The following ZNF106 variants were observed in gnomAD, a reference collection of about 807,000 sequenced individuals.
The protein encoded by ZNF106 is SH3-domain binding protein 3.
ZNF106 carries 67 observed loss-of-function variants against 195.1 expected under a neutral mutation model. The observed-to-expected ratio is 0.34, with a 90% CI of 0.28 to 0.42. The LOEUF (loss-of-function observed/expected upper bound fraction) is 0.42. Among genes scored for constraint, ZNF106 ranks in the 10% least tolerant of loss-of-function variants. The pLI, the probability that ZNF106 is intolerant of heterozygous loss-of-function variation, is 1.00. For synonymous variants in ZNF106, 784 were observed against 818.6 expected (o/e 0.96, Z 0.72); for missense variants, 2,118 against 2,304.5 (o/e 0.92, Z 1.66).
At position 42,451,904 on chromosome 15, in the gene ZNF106, C is replaced by T. The variant is rs1251211963; in HGVS notation, c.368G>A (p.Arg123Gln). The change falls in exon 5 of 22, where the codon CGA (arginine) becomes CAA (glutamine). Residue 123 changes from arginine (R) to glutamine (Q), a missense_variant. Transcript: ENST00000564754. The part of the protein sequence containing the change: ...SNQEINSDDR[R>Q]PQWRREDRIP... ...TCGGTCTTCTCGTCTCCATTGGGGT[C>T]GTCTGTCATCAGAGTTTATTTCTTG... The T allele has an allele frequency of 6.2e-7, 1 of 1,613,844 alleles. No homozygotes were observed. Among genetic ancestry groups the T allele is most frequent in the East Asian group, 2.2e-5 (1 of 44,872 alleles).
chr15:42,417,170 G>T lies in ZNF106; in HGVS notation c.*134C>A. On this transcript the variant is annotated 3_prime_UTR_variant, in exon 22 of 22. Transcript: ENST00000564754. The stretch of plus-strand genomic sequence containing the variant: ...ATCCCATAGAGCTGCCCAGACTTAT[G>T]CTAGGGGTATGCCTGGCTAGTAACC... 1 of 852,380 alleles carries T rather than the reference G, an allele frequency of 1.2e-6. No individual in the cohort carries two copies. The highest frequency in any genetic ancestry group is 2.5e-4 in the Middle Eastern group (1 of 4,052). The allele number at this position is 852,380 out of a possible 1,614,324, so 52.8% of individuals were successfully genotyped here. A position where few individuals can be genotyped will look rare whatever the true frequency, so the allele number is the denominator to read the frequency against.
Position 42,448,253 on chromosome 15 carries a change from A to G in ZNF106, c.2954T>C (p.Ile985Thr). Reference protein sequence around the residue: ...AKDLNSQERSIPPSENQNSQE... With the variant: ...AKDLNSQERSTPPSENQNSQE... ...GGAATTCTGATTCTCTGACGGTGGT[A>G]TAGACCTCTCCTGGCTGTTCAAGTC... The change falls in exon 6 of 22, where the codon ATA (isoleucine) becomes ACA (threonine). Residue 985 changes from isoleucine to threonine, a missense_variant. Transcript: ENST00000564754. 1 of 1,614,216 alleles carries G rather than the reference A, an allele frequency of 6.2e-7. No homozygotes were observed. The highest frequency in any genetic ancestry group is 8.5e-7 in the Non-Finnish European group (1 of 1,180,034).
At chr15:42,434,720 G>T (rs1385266285) in intron 14 of ZNF106, among the ~76,000 whole-genome samples, 1 of 151,130 alleles carries the variant, frequency 6.6e-6, no homozygotes, top group Non-Finnish European at 1.5e-5. Flanking sequence ...TCTCAGAGGA[G>T]ATGTCCATTT....
At chr15:42,469,858 C>CAAAAAAAAAAAAAAAAAAAAAA (rs879787963) in intron 2 of ZNF106, among the ~76,000 whole-genome samples, 1 of 85,970 alleles carries the variant, frequency 1.2e-5, no homozygotes. Flanking sequence ...AAAACAACAA[C>CAAAAAAAAAAAAAAAAAAAAAA]AAAAAAAAAA....
intron 1 of ZNF106, among the ~76,000 whole-genome samples, chr15:42,483,966 T>TA (rs1185095215): frequency 6.6e-6 from 1 of 152,220 alleles, no homozygotes; most frequent in African/African-American, 2.4e-5. Flanking sequence ...TCTGAAACCC[T>TA]ATCTCTTCTT....
chr15:42,486,766 ATTGATG>A (rs1386955264), intron 1 of ZNF106, among the ~76,000 whole-genome samples: 2 of 151,932 alleles, frequency 1.3e-5, no homozygotes, highest in African/African-American at 4.8e-5. Context: ...CCAAGATCCT[ATTGATG>A]TTAAGTGAGG....
chr15:42,444,545 C>T (rs189106990), intron 8 of ZNF106, among the ~76,000 whole-genome samples: 3 of 151,716 alleles, frequency 2.0e-5, no homozygotes. Context: ...CACATCCCGC[C>T]CCCTGGCTGT....
chr15:42,486,215 C>T (rs890343647), intron 1 of ZNF106, among the ~76,000 whole-genome samples: 1 of 152,122 alleles, frequency 6.6e-6, no homozygotes, highest in East Asian at 1.9e-4. Context: ...ACCTCAGCCT[C>T]CCAAAGTGCT....
intron 12 of ZNF106, among the ~76,000 whole-genome samples, chr15:42,438,259 C>T (rs975190282): frequency 6.6e-6 from 1 of 152,130 alleles, no homozygotes; most frequent in Non-Finnish European, 1.5e-5. Flanking sequence ...GGCGTGATGG[C>T]GCGCACCTGT....
intron 2 of ZNF106, among the ~76,000 whole-genome samples, chr15:42,466,900 C>T (rs548785239): frequency 1.3e-5 from 2 of 151,912 alleles, no homozygotes; most frequent in South Asian, 2.1e-4. Context: ...TTTGGGAGGC[C>T]GAGGTGGGCA....
intron 17 of ZNF106, 66 bp from the exon 18 acceptor site, chr15:42,422,686 A>G (rs2054710252): frequency 2.6e-6 from 4 of 1,520,166 alleles, no homozygotes; most frequent in South Asian, 2.6e-5. Flanking sequence ...TTATAATTCT[A>G]TAATTCTAAG....
chr15:42,467,118 C>A (rs184349556), intron 2 of ZNF106, among the ~76,000 whole-genome samples: 2 of 152,096 alleles, frequency 1.3e-5, no homozygotes, highest in East Asian at 3.9e-4. Flanking sequence ...GGCGACAGAA[C>A]GAGACTCCGT....
At chr15:42,425,114 T>A in intron 15 of ZNF106, 89 bp from the exon 16 acceptor site, 1 of 1,307,574 alleles carries the variant, frequency 7.6e-7, no homozygotes, top group Non-Finnish European at 1.1e-6. Flanking sequence ...AACTCATTTC[T>A]GTCACCTGTA....
At position 42,451,619 on chromosome 15, in the gene ZNF106, T is replaced by C. The variant is rs200677232; in HGVS notation, c.653A>G (p.Asn218Ser). 1.2e-6 allele frequency: 2 copies of C among 1,614,184 alleles called. No individual in the cohort carries two copies. The highest frequency in any genetic ancestry group is 2.2e-5 in the East Asian group (1 of 44,880). ...GGAATTCCTTCCTGTACCATTATGA[T>C]TCCAATCTACTGCTCCACTATTTGA... ...WLSNSGAVDW[N>S]HNGTGRNSSW... The change falls in exon 5 of 22, where the codon AAT (asparagine) becomes AGT (serine). Residue 218 changes from asparagine to serine, a missense_variant. Transcript: ENST00000564754.
At position 42,442,209 on chromosome 15, in the gene ZNF106, G is replaced by A. The variant is rs556887061; in HGVS notation, c.3627C>T (p.Thr1209=). The A allele has an allele frequency of 2.5e-6, 4 of 1,614,162 alleles. No individual in the cohort carries two copies. The African/African-American group carries it at 5.3e-5, about 22-fold the overall frequency. Residue 1209 remains threonine (T), a synonymous_variant, in exon 10 of 22, where the codon ACC becomes ACT. Coordinates refer to ENST00000564754, the MANE Select transcript of ZNF106 (RefSeq NM_001366845.3). The part of the protein sequence containing the change: ...LQITTSPTFQ[T]HGSVPAPDSS... ...AGTCTGGAGCAGGGACACTGCCATG[G>A]GTTTGGAAAGTAGGAGACGTGGTTA...
chr15:42,483,817 T>C (rs1163718260), intron 1 of ZNF106, among the ~76,000 whole-genome samples: 1 of 152,152 alleles, frequency 6.6e-6, no homozygotes. Flanking sequence ...CATATGCTGG[T>C]CCCTCTCCCT....
chr15:42,425,839 A>C (rs1437039171), intron 15 of ZNF106: 1 of 152,176 alleles, frequency 6.6e-6, no homozygotes, highest in Non-Finnish European at 1.5e-5. Context: ...GTTCCATGTC[A>C]TCTCTCACAA....
At chr15:42,420,753 G>A (rs2054624766) in intron 20 of ZNF106, among the ~76,000 whole-genome samples, 2 of 152,044 alleles carry the variant, frequency 1.3e-5, no homozygotes, top group African/African-American at 4.8e-5. Context: ...AAACCAATGA[G>A]GACACAAACC....
chr15:42,442,409 A>G lies in ZNF106; in HGVS notation c.3427T>C (p.Tyr1143His). The G allele has an allele frequency of 2.5e-6, 4 of 1,605,082 alleles. No homozygotes were observed. In the African/African-American group the frequency reaches 5.4e-5, roughly 22 times the overall value. ...IQILQGLQET[Y>H]EPSEHPDQVP... ...TGGTCTGGGTGCTCAGAAGGTTCATATGTTTCTAGAATGGGAAACATACAT... is the reference window on the plus strand; with the variant it reads ...TGGTCTGGGTGCTCAGAAGGTTCATGTGTTTCTAGAATGGGAAACATACAT... The change falls in exon 10 of 22, where the codon TAT becomes CAT. Residue 1143 changes from tyrosine to histidine, a missense_variant. Transcript: ENST00000564754.
Sources: gnomAD v4.1 joint callset for allele counts (sites outside exome capture counted in the v4.1 genomes callset) on GRCh38, gnomAD v4.1.1 for gene constraint, MANE v1.5 for transcripts, NCBI Gene and HGNC (gene_info 2026-07-23, HGNC 2026-07-21) for gene names.